GPC6: variants seen among roughly 807,000 people sequenced by gnomAD.
GPC6 encodes glypican 6.
Under a neutral mutation model 55.2 loss-of-function variants are expected in GPC6, and 14 were observed. The observed-to-expected ratio is 0.25, with a 90% confidence interval of 0.17 to 0.40. GPC6 has a LOEUF of 0.40. Ranked by LOEUF, GPC6 falls within the 10% of genes least tolerant of loss-of-function variation. The pLI is 1.00. For synonymous variants in GPC6, 278 were observed against 259.6 expected (o/e 1.07, Z -0.68); for missense variants, 641 against 708.5 (o/e 0.90, Z 1.08).
chr13:93,862,082 T>C (rs1888830823), intron 3 of GPC6, among the ~76,000 whole-genome samples: 1 of 151,604 alleles, frequency 6.6e-6, no homozygotes, highest in Non-Finnish European at 1.5e-5. Flanking sequence ...TCTTGGGTGA[T>C]TATAGAAGTT....
intron 4 of GPC6, among the ~76,000 whole-genome samples, chr13:94,197,932 ATGTTGACTTGTT>A (rs1194095316): frequency 1.4e-4 from 21 of 152,346 alleles, no homozygotes; most frequent in African/African-American, 4.8e-4. Context: ...AGCATGTTAA[ATGTTGACTTGTT>A]TTTAGAATGT....
intron 2 of GPC6, among the ~76,000 whole-genome samples, chr13:93,600,369 A>G (rs960150306): frequency 2.0e-5 from 3 of 152,146 alleles, no homozygotes; most frequent in African/African-American, 7.2e-5. Flanking sequence ...AGGTCAAAGC[A>G]TTTGTTGAAT....
At chr13:93,638,155 A>G (rs191986614) in intron 2 of GPC6, among the ~76,000 whole-genome samples, 16 of 152,202 alleles carry the variant, frequency 1.1e-4, no homozygotes, top group African/African-American at 3.9e-4. Flanking sequence ...TTTTTATGAG[A>G]ATGTTCTTAT....
At chr13:93,940,449 A>G (rs1374516969) in intron 3 of GPC6, among the ~76,000 whole-genome samples, 1 of 149,240 alleles carries the variant, frequency 6.7e-6, no homozygotes, top group Admixed American at 6.7e-5. Flanking sequence ...TGGATGGATG[A>G]ATGGATGAAT....
chr13:93,777,510 T>G (rs1885509151), intron 2 of GPC6, among the ~76,000 whole-genome samples: 2 of 152,196 alleles, frequency 1.3e-5, no homozygotes, highest in South Asian at 4.1e-4. Context: ...GTGAATGGCT[T>G]TAGAGATTCA....
At chr13:93,875,881 TGG>T (rs1889276589) in intron 3 of GPC6, among the ~76,000 whole-genome samples, 1 of 152,002 alleles carries the variant, frequency 6.6e-6, no homozygotes, top group Non-Finnish European at 1.5e-5. Context: ...CAGTACTGAA[TGG>T]GTCTTGTGAG....
chr13:93,724,673 C>T (rs1212277039), intron 2 of GPC6, among the ~76,000 whole-genome samples: 1 of 151,954 alleles, frequency 6.6e-6, no homozygotes, highest in South Asian at 2.1e-4. Flanking sequence ...ATTCAACACA[C>T]CTTTTCTCTA....
At chr13:93,815,844 T>TG (rs5805828) in intron 2 of GPC6, among the ~76,000 whole-genome samples, 2 of 152,156 alleles carry the variant, frequency 1.3e-5, no homozygotes, top group Non-Finnish European at 2.9e-5. Context: ...AGCCTGATAT[T>TG]TTTTCCTGTT....
At chr13:93,475,133 C>A (rs2139333738) in intron 1 of GPC6, among the ~76,000 whole-genome samples, 1 of 151,532 alleles carries the variant, frequency 6.6e-6, no homozygotes, top group Admixed American at 6.6e-5. Flanking sequence ...CAGGGTGAGA[C>A]CTGAATCCTT....
At chr13:93,297,116 G>A (rs773540731) in intron 1 of GPC6, among the ~76,000 whole-genome samples, 1 of 152,160 alleles carries the variant, frequency 6.6e-6, no homozygotes, top group Non-Finnish European at 1.5e-5. Context: ...TCCCTTGTAT[G>A]TGCATCCTTA....
intron 1 of GPC6, among the ~76,000 whole-genome samples, chr13:93,363,518 T>C (rs1479573282): frequency 1.3e-5 from 2 of 151,722 alleles, no homozygotes; most frequent in Non-Finnish European, 2.9e-5. Context: ...CCACATTTTC[T>C]TAATCCAGTC....
chr13:93,268,684 A>G (rs187307153), intron 1 of GPC6, among the ~76,000 whole-genome samples: 1 of 152,192 alleles, frequency 6.6e-6, no homozygotes, highest in Non-Finnish European at 1.5e-5. Context: ...AAGCACGTGC[A>G]TATGAGCTTC....
chr13:94,251,983 G>A (rs1311995442), intron 4 of GPC6, among the ~76,000 whole-genome samples: 3 of 152,138 alleles, frequency 2.0e-5, no homozygotes, highest in Non-Finnish European at 2.9e-5. Flanking sequence ...CCTGGCTGAT[G>A]CATGCTGTCT....
chr13:93,570,131 C>T (rs1005290290), intron 2 of GPC6, among the ~76,000 whole-genome samples: 21 of 152,096 alleles, frequency 1.4e-4, no homozygotes, highest in African/African-American at 5.1e-4. Context: ...TTCCATTGTA[C>T]TTCAGCTCAT....
At chr13:93,657,870 C>T (rs146176321) in intron 2 of GPC6, among the ~76,000 whole-genome samples, 152 of 152,112 alleles carry the variant, frequency 1.0e-3, no homozygotes, top group African/African-American at 3.4e-3. Context: ...CATAACTAAT[C>T]ATTAGAGAAA....
chr13:93,492,637 G>A (rs200992966), intron 1 of GPC6, among the ~76,000 whole-genome samples: 133 of 150,528 alleles, frequency 8.8e-4, no homozygotes, highest in South Asian at 3.8e-3. Context: ...TTGCCCATTC[G>A]GTATGATATT....
chr13:94,252,748 C>T (rs750059156), intron 4 of GPC6, among the ~76,000 whole-genome samples: 2 of 151,960 alleles, frequency 1.3e-5, no homozygotes, highest in Non-Finnish European at 2.9e-5. Context: ...CCCAGAACAA[C>T]CACAGGGCTG....
chr13:94,138,678 A>C (rs1233210566), intron 4 of GPC6, among the ~76,000 whole-genome samples: 1 of 152,188 alleles, frequency 6.6e-6, no homozygotes, highest in African/African-American at 2.4e-5. Context: ...GTGAAATTTT[A>C]CTATAAGCTT....
chr13:93,570,672 C>T (rs551364622), intron 2 of GPC6, among the ~76,000 whole-genome samples: 5 of 152,242 alleles, frequency 3.3e-5, no homozygotes, highest in African/African-American at 1.2e-4. Flanking sequence ...AAGATTTCTA[C>T]ATATAACAAA....
Sources: gnomAD v4.1 joint callset for allele counts (sites outside exome capture counted in the v4.1 genomes callset) on GRCh38, gnomAD v4.1.1 for gene constraint, MANE v1.5 for transcripts, NCBI Gene and HGNC (gene_info 2026-07-23, HGNC 2026-07-21) for gene names.